ADRA1B: variants seen among roughly 807,000 people sequenced by gnomAD.
ADRA1B encodes the protein alpha-1B adrenergic receptor.
Under a neutral mutation model 17.9 loss-of-function variants are expected in ADRA1B, and 17 were observed. The observed-to-expected ratio is 0.95, with a 90% CI of 0.65 to 1.42. The LOEUF (loss-of-function observed/expected upper bound fraction) is 1.42, where lower values mean the gene tolerates loss of function less well. ADRA1B is among the 40% of genes most tolerant of loss of function. ADRA1B has a pLI of 0.00. For synonymous variants in ADRA1B, 366 were observed against 327.6 expected (o/e 1.12, Z -1.27); for missense variants, 681 against 722.1 (o/e 0.94, Z 0.65).
chr5:159,888,837 G>A (rs111364652), intron 1 of ADRA1B, among the ~76,000 whole-genome samples: 1 of 152,182 alleles, frequency 6.6e-6, no homozygotes, highest in East Asian at 1.9e-4. Flanking sequence ...TTTACATGAA[G>A]CTATTACACT....
chr5:159,935,122 G>A (rs921000772), intron 1 of ADRA1B, among the ~76,000 whole-genome samples: 1 of 152,170 alleles, frequency 6.6e-6, no homozygotes, highest in African/African-American at 2.4e-5. Flanking sequence ...TGGGCTATGT[G>A]TTTTGAGGAA....
intron 1 of ADRA1B, among the ~76,000 whole-genome samples, chr5:159,882,363 G>A (rs1753872820): frequency 6.6e-6 from 1 of 152,124 alleles, no homozygotes; most frequent in African/African-American, 2.4e-5. Flanking sequence ...GCATCCTCTG[G>A]CAGCAGTGCA....
chr5:159,916,080 C>T (rs1275137999), upstream of ADRA1B: 1 of 152,268 alleles, frequency 6.6e-6, no homozygotes, highest in African/African-American at 2.4e-5. Flanking sequence ...CAAGTCCCTC[C>T]CACCTGCCCA....
the ADRA1B span, among the ~76,000 whole-genome samples, chr5:159,986,995 G>C: frequency 6.6e-6 from 1 of 152,140 alleles, no homozygotes; most frequent in African/African-American, 2.4e-5. Context: ...CTGCCTTAAG[G>C]GTCCCTAGAA....
intron 1 of ADRA1B, among the ~76,000 whole-genome samples, chr5:159,936,205 T>C (rs973738353): frequency 2.0e-5 from 3 of 152,270 alleles, no homozygotes; most frequent in Middle Eastern, 3.4e-3. Context: ...CTGCCAAACA[T>C]CCTACAATGC....
chr5:159,935,897 G>A (rs530471497), intron 1 of ADRA1B, among the ~76,000 whole-genome samples: 8 of 152,174 alleles, frequency 5.3e-5, no homozygotes, highest in East Asian at 3.8e-4. Flanking sequence ...AATAGTGGTC[G>A]AGACTGAGGC....
chr5:159,883,015 C>T (rs1753879760), intron 1 of ADRA1B, among the ~76,000 whole-genome samples: 1 of 152,122 alleles, frequency 6.6e-6, no homozygotes, highest in Non-Finnish European at 1.5e-5. Flanking sequence ...TTCACATGAC[C>T]ACCTCTTTAC....
intron 1 of ADRA1B, chr5:159,947,586 T>G (rs1280992966): frequency 8.5e-6 from 4 of 469,320 alleles, no homozygotes; most frequent in African/African-American, 8.5e-5. Context: ...CTTTTAATGG[T>G]TTCCCTTTTA....
At chr5:159,869,935 A>G (rs994003964) in intron 1 of ADRA1B, 7 of 152,242 alleles carry the variant, frequency 4.6e-5, no homozygotes, top group Non-Finnish European at 8.8e-5. Context: ...GCTGTAATAT[A>G]TTGCAGCCAA....
chr5:159,879,206 G>C (rs1473212828), intron 1 of ADRA1B, among the ~76,000 whole-genome samples: 1 of 152,158 alleles, frequency 6.6e-6, no homozygotes, highest in Admixed American at 6.5e-5. Context: ...TTGGGGTTGG[G>C]AGGATTTGCT....
At chr5:159,949,065 A>G (rs985616780) in intron 1 of ADRA1B, among the ~76,000 whole-genome samples, 5 of 152,210 alleles carry the variant, frequency 3.3e-5, no homozygotes, top group Admixed American at 2.6e-4. Flanking sequence ...GAGCTAGCAC[A>G]CTTAACCACT....
chr5:159,939,314 T>TGC (rs1368884259), intron 1 of ADRA1B, among the ~76,000 whole-genome samples: 12 of 127,072 alleles, frequency 9.4e-5, no homozygotes, highest in East Asian at 8.9e-4. Context: ...TGTGTGTGTG[T>TGC]GTGTGTGTGC....
intron 1 of ADRA1B, among the ~76,000 whole-genome samples, chr5:159,892,623 T>A (rs1333561441): frequency 6.6e-6 from 1 of 152,336 alleles, no homozygotes; most frequent in Non-Finnish European, 1.5e-5. Context: ...CTGAGGATAA[T>A]GGCCTCCAGC....
upstream of ADRA1B, among the ~76,000 whole-genome samples, chr5:159,915,281 G>A (rs1754273060): frequency 6.6e-6 from 1 of 152,160 alleles, no homozygotes; most frequent in Non-Finnish European, 1.5e-5. Context: ...TGGGCGAACA[G>A]CTAAACTTCC....
chr5:159,926,842 G>A (rs1470736556), intron 1 of ADRA1B, among the ~76,000 whole-genome samples: 7 of 151,982 alleles, frequency 4.6e-5, no homozygotes, highest in Non-Finnish European at 8.8e-5. Flanking sequence ...AGCCAAGATT[G>A]CACCACTGCA....
downstream of ADRA1B, among the ~76,000 whole-genome samples, chr5:159,973,162 CACGTCTTGAGGACAAT>C (rs1755919807): frequency 2.0e-5 from 3 of 152,210 alleles, no homozygotes; most frequent in South Asian, 6.2e-4. Flanking sequence ...CCGCTCTCAC[CACGTCTTGAGGACAAT>C]TAGTGCTGGC....
At position 159,917,304 on chromosome 5, in the gene ADRA1B, T is replaced by C; in HGVS notation, c.399T>C (p.Ile133=). The C allele has an allele frequency of 6.2e-7, 1 of 1,614,102 alleles. No individual in the cohort carries two copies. Among genetic ancestry groups the C allele is most frequent in the Non-Finnish European group, 8.5e-7 (1 of 1,180,016 alleles). The stretch of plus-strand genomic sequence containing the variant: ...ATGTCCTGTGCTGCACAGCGTCCAT[T>C]CTGAGCCTGTGCGCCATCTCCATCG... ...AVDVLCCTAS[I]LSLCAISIDR... The change falls in exon 1 of 2, where the codon ATT becomes ATC. Residue 133 remains isoleucine, a synonymous_variant. Coordinates refer to ENST00000306675, the MANE Select transcript of ADRA1B (RefSeq NM_000679.4).
chr5:159,962,212 ATGT>A (rs1755676444), intron 1 of ADRA1B, among the ~76,000 whole-genome samples: 1 of 152,156 alleles, frequency 6.6e-6, no homozygotes, highest in African/African-American at 2.4e-5. Flanking sequence ...AAAAAAGAAT[ATGT>A]AAAGAATAAA....
the ADRA1B span, among the ~76,000 whole-genome samples, chr5:159,982,819 C>A: frequency 6.6e-6 from 1 of 152,158 alleles, no homozygotes; most frequent in East Asian, 1.9e-4. Context: ...AGGCACGAAG[C>A]CTGCTACCTG....
Sources: allele counts gnomAD v4.1 joint callset (sites outside exome capture counted in the v4.1 genomes callset), GRCh38; gene constraint gnomAD v4.1.1; transcripts MANE v1.5; gene names NCBI Gene and HGNC (gene_info 2026-07-23, HGNC 2026-07-21).